PCSK5: variants seen among roughly 807,000 people sequenced by gnomAD.
The protein encoded by PCSK5 is prohormone convertase 5.
Under a neutral mutation model 233.2 loss-of-function variants are expected in PCSK5, and 129 were observed. The ratio of observed to expected loss-of-function variants is 0.55; its 90% CI spans 0.48 to 0.64. PCSK5 has a LOEUF of 0.64. Ranked by LOEUF, PCSK5 falls within the 30% of genes least tolerant of loss-of-function variation. The pLI, the probability that PCSK5 is intolerant of heterozygous loss-of-function variation, is 0.00. For synonymous variants in PCSK5, 825 were observed against 879.2 expected (o/e 0.94, Z 1.09); for missense variants, 2,076 against 2,430.1 (o/e 0.85, Z 3.06).
chr9:76,275,244 C>A (rs1331965782), intron 24 of PCSK5, among the ~76,000 whole-genome samples: 3 of 152,082 alleles, frequency 2.0e-5, no homozygotes, highest in African/African-American at 7.2e-5. Context: ...CTGTCTCTTC[C>A]TCCTGAAAAG....
intron 24 of PCSK5, among the ~76,000 whole-genome samples, chr9:76,247,847 T>C (rs373579271): frequency 0.022 from 3,288 of 151,930 alleles, 102 homozygotes; most frequent in South Asian, 0.12. Flanking sequence ...TGCAACGGCG[T>C]GATCTTGGCT....
chr9:76,230,475 C>G (rs1826043364), intron 21 of PCSK5, among the ~76,000 whole-genome samples: 1 of 152,164 alleles, frequency 6.6e-6, no homozygotes, highest in African/African-American at 2.4e-5. Flanking sequence ...GATTACTTCT[C>G]CCAAGACAAA....
At chr9:76,280,480 A>G (rs58381514) in intron 24 of PCSK5, among the ~76,000 whole-genome samples, 19,518 of 152,112 alleles carry the variant, frequency 0.13, 1,714 homozygotes, top group African/African-American at 0.25. Context: ...GGTGGCTCAC[A>G]CCTATAATCC....
intron 5 of PCSK5, among the ~76,000 whole-genome samples, chr9:76,030,985 C>T (rs1463434875): frequency 6.6e-6 from 1 of 152,110 alleles, no homozygotes; most frequent in Non-Finnish European, 1.5e-5. Context: ...GCCATCCTGA[C>T]GGTGAAATAG....
At chr9:76,088,653 A>G (rs1044495405) in intron 7 of PCSK5, among the ~76,000 whole-genome samples, 1 of 152,136 alleles carries the variant, frequency 6.6e-6, no homozygotes, top group Non-Finnish European at 1.5e-5. Context: ...CCTCAGCTCC[A>G]TCTTACTCGG....
At chr9:75,997,160 C>A (rs2131418036) in intron 3 of PCSK5, among the ~76,000 whole-genome samples, 1 of 152,248 alleles carries the variant, frequency 6.6e-6, no homozygotes, top group East Asian at 1.9e-4. Context: ...TCTTCATTTA[C>A]AAATTCACAG....
intron 20 of PCSK5, chr9:76,205,324 G>T (rs1298469082): frequency 2.6e-5 from 13 of 502,862 alleles, no homozygotes; most frequent in Non-Finnish European, 4.8e-5. Context: ...AGAACACAGC[G>T]TGAGGAGGTG....
intron 1 of PCSK5, among the ~76,000 whole-genome samples, chr9:75,908,923 CTCTCTATCTCTCTCTCTGTCTATCTA>C (rs1564074816): frequency 0.018 from 2,025 of 111,186 alleles, 17 homozygotes; most frequent in Middle Eastern, 0.026. Flanking sequence ...ATCTATCTAT[CTCTCTATCTCTCTCTCTGTCTATCTA>C]TCTATCTATC....
chr9:76,180,705 C>T (rs887553061), intron 15 of PCSK5, among the ~76,000 whole-genome samples: 22 of 152,086 alleles, frequency 1.4e-4, no homozygotes, highest in African/African-American at 3.6e-4. Flanking sequence ...CAGACCCAGA[C>T]GTGTTAAGAA....
intron 33 of PCSK5, among the ~76,000 whole-genome samples, chr9:76,330,482 C>T (rs896548065): frequency 6.6e-6 from 1 of 152,090 alleles, no homozygotes; most frequent in African/African-American, 2.4e-5. Flanking sequence ...GGCGCAGTGG[C>T]TCATGCCTGT....
chr9:76,163,859 C>CTTTTTTTTTT (rs67386134), intron 12 of PCSK5, among the ~76,000 whole-genome samples: 16 of 97,874 alleles, frequency 1.6e-4, no homozygotes, highest in East Asian at 3.1e-4. Context: ...AAAAAGCTGT[C>CTTTTTTTTTT]TTTTTTTTTT....
intron 10 of PCSK5, among the ~76,000 whole-genome samples, chr9:76,147,310 T>C (rs919960785): frequency 1.3e-5 from 2 of 152,188 alleles, no homozygotes; most frequent in Non-Finnish European, 2.9e-5. Context: ...GGGATAACCA[T>C]ATAAAAAGAT....
intron 24 of PCSK5, chr9:76,287,904 C>T (rs1462983515): frequency 5.4e-6 from 1 of 185,848 alleles, no homozygotes; most frequent in East Asian, 1.4e-4. Context: ...ATGTGGGCCC[C>T]AGGGCACCAG....
chr9:75,916,914 TA>T (rs1414820547), intron 1 of PCSK5, among the ~76,000 whole-genome samples: 1 of 152,122 alleles, frequency 6.6e-6, no homozygotes, highest in Non-Finnish European at 1.5e-5. Flanking sequence ...CTCACGCCTG[TA>T]ATCCCAGCAC....
At chr9:76,061,094 A>G (rs1830012987) in intron 5 of PCSK5, among the ~76,000 whole-genome samples, 1 of 152,174 alleles carries the variant, frequency 6.6e-6, no homozygotes, top group Admixed American at 6.5e-5. Context: ...GTTTCATTAG[A>G]AAGATTACTA....
rs763652174 is a variant in PCSK5, at chr9:76,233,532, A to T, written c.2802A>T (p.Pro934=). 6.2e-7 allele frequency: 1 copy of T among 1,612,592 alleles called. No individual in the cohort carries two copies. Among genetic ancestry groups the T allele is most frequent in the South Asian group, 1.1e-5 (1 of 91,088 alleles). The change falls in exon 22 of 38, where the codon CCA becomes CCT. Residue 934 remains proline (P), a synonymous_variant. Transcript: ENST00000674117. ...TTGAATTTGAGAACCAATGCCATCC[A>T]TGCCACCACACCTGCCAGAGATGCC... The part of the protein sequence containing the change: ...WKFEFENQCH[P]CHHTCQRCQG...
intron 20 of PCSK5, chr9:76,193,135 C>T (rs2131252931): frequency 9.9e-7 from 1 of 1,010,070 alleles, no homozygotes; most frequent in Middle Eastern, 2.1e-4. Flanking sequence ...CTTCCAATTC[C>T]CCAAATCTGC....
rs182390574 is a variant in PCSK5 at position 76,168,126 on chromosome 9, A to C, written c.1620-1578A>C. ...CTTTGGGATATTTATTTGGGTAGTC[A>C]AGTCTATGCTATATACCTGCATAAG... On this transcript the variant is annotated intron_variant, in intron 12 of 37. Transcript: ENST00000674117. 2.0e-5 allele frequency among the ~76,000 whole-genome samples: 3 copies of C among 152,278 alleles called. No individual in the cohort carries two copies. The East Asian group carries it at 5.8e-4, about 29-fold the overall frequency.
intron 5 of PCSK5, among the ~76,000 whole-genome samples, chr9:76,040,393 C>CTCTCTG (rs1587537472): frequency 3.3e-5 from 3 of 89,566 alleles, no homozygotes; most frequent in Admixed American, 1.3e-4. Flanking sequence ...CTGTCTCTCT[C>CTCTCTG]TCTCTCTCTC....
Sources: allele counts gnomAD v4.1 joint callset (sites outside exome capture counted in the v4.1 genomes callset), GRCh38; gene constraint gnomAD v4.1.1; transcripts MANE v1.5; gene names NCBI Gene and HGNC (gene_info 2026-07-23, HGNC 2026-07-21).